Variants in TTC12 observed in about 807,000 individuals in gnomAD.
TTC12 encodes tetratricopeptide repeat domain 12.
In TTC12, 70 loss-of-function variants were observed where a neutral mutation model predicts 90.1. That is an observed-to-expected ratio of 0.78 (90% CI 0.64 to 0.95). TTC12 has a LOEUF of 0.95. Among genes scored for constraint, TTC12 ranks in the 40% least tolerant of loss-of-function variants. The pLI, the probability that TTC12 is intolerant of heterozygous loss-of-function variation, is 0.00. For missense variants in TTC12, 819 were observed against 846.1 expected, an observed-to-expected ratio of 0.97 and a Z score of 0.40; for synonymous variants, 296 against 311.5, an observed-to-expected ratio of 0.95 and a Z score of 0.53.
Position 113,359,407 on chromosome 11 carries a change from C to T in TTC12, c.1491C>T (p.Tyr497=). The change falls in exon 17 of 22, where the codon TAC becomes TAT. Residue 497 remains tyrosine (Y), a synonymous_variant. Coordinates refer to ENST00000529221, the MANE Select transcript of TTC12 (RefSeq NM_017868.4). ...EDVDLFREVI[Y]TLLGLMMNLC... ...TGGACCTGTTCAGAGAGGTTATCTA[C>T]ACACTCCTGGGACTCATGATGAACC... The T allele has an allele frequency of 1.2e-6, 2 of 1,613,498 alleles. No individual in the cohort carries two copies. Among genetic ancestry groups the T allele is most frequent in the East Asian group, 4.5e-5 (2 of 44,846 alleles).
downstream of TTC12, chr11:113,366,529 C>A (rs1299415414): frequency 1.5e-6 from 1 of 661,428 alleles, no homozygotes; most frequent in Non-Finnish European, 2.4e-6. Flanking sequence ...TTTGAATGTT[C>A]TTTCCTGTTC....
At chr11:113,351,191 T>G (rs1300833005) in intron 14 of TTC12, 48 bp from the exon 15 acceptor site, 2 of 1,540,462 alleles carry the variant, frequency 1.3e-6, no homozygotes, top group Non-Finnish European at 9.0e-7. Flanking sequence ...ATTTATGTTA[T>G]AGTTTATGCA....
chr11:113,359,061 G>A (rs1294281937), intron 16 of TTC12, among the ~76,000 whole-genome samples: 1 of 151,698 alleles, frequency 6.6e-6, no homozygotes, highest in African/African-American at 2.4e-5. Context: ...GCCTGATCCT[G>A]ATTTGAAGGA....
intron 2 of TTC12, among the ~76,000 whole-genome samples, chr11:113,317,623 A>G (rs1555136286): frequency 6.6e-6 from 1 of 152,060 alleles, no homozygotes; most frequent in African/African-American, 2.4e-5. Context: ...TTCCTTTTGC[A>G]GTCATAATAA....
intron 2 of TTC12, among the ~76,000 whole-genome samples, chr11:113,322,163 T>G (rs1947376688): frequency 6.6e-6 from 1 of 152,206 alleles, no homozygotes; most frequent in Admixed American, 6.5e-5. Context: ...TATAATTTCC[T>G]TGAAGACTCA....
chr11:113,358,431 CTA>C (rs1949739083), intron 16 of TTC12, among the ~76,000 whole-genome samples: 1 of 152,146 alleles, frequency 6.6e-6, no homozygotes, highest in Admixed American at 6.5e-5. Context: ...AGTGCAGAAG[CTA>C]TGGTGTGGGC....
intron 14 of TTC12, 131 bp downstream of exon 14, chr11:113,350,296 A>G (rs1949193327): frequency 2.9e-6 from 2 of 686,530 alleles, no homozygotes; most frequent in Non-Finnish European, 4.9e-6. Context: ...TTCACTGAGT[A>G]GGAGGGCTGA....
chr11:113,346,117 A>G (rs1251291899), intron 13 of TTC12, among the ~76,000 whole-genome samples: 2 of 152,022 alleles, frequency 1.3e-5, no homozygotes, highest in Admixed American at 6.6e-5. Context: ...TTCCTCCCAC[A>G]ATGTTTATCC....
In TTC12 at chr11:113,358,503, G is replaced by A. The variant is rs1591192559; in HGVS notation, c.1447-860G>A. On this transcript the variant is annotated intron_variant, in intron 16 of 21. Coordinates refer to ENST00000529221, the MANE Select transcript of TTC12 (RefSeq NM_017868.4). ...GTGGCCTGGCTGGGGCCCCAGGAGA[G>A]GCCAGCAGAGCAAGGGGTCCTCAAG... is the stretch of plus-strand genomic sequence containing the variant. Among the ~76,000 whole-genome samples the A allele has an allele frequency of 2.6e-5, 4 of 152,298 alleles. No individual in the cohort carries two copies. In the South Asian group the frequency reaches 8.3e-4, roughly 32 times the overall value.
intron 16 of TTC12, among the ~76,000 whole-genome samples, chr11:113,352,686 A>C (rs1555150841): frequency 1.3e-5 from 2 of 152,070 alleles, no homozygotes; most frequent in African/African-American, 2.4e-5. Context: ...TCCCACTTAC[A>C]AGGAAGAACA....
chr11:113,324,568 T>C, intron 4 of TTC12, 37 bp from the exon 5 acceptor site: 1 of 1,580,012 alleles, frequency 6.3e-7, no homozygotes, highest in Non-Finnish European at 8.7e-7. Flanking sequence ...AGTATTTGGA[T>C]TTTTCTTTTT....
At chr11:113,335,120 C>CTCT in intron 8 of TTC12, 83 bp downstream of exon 8, 10 of 1,000,276 alleles carry the variant, frequency 1.0e-5, no homozygotes, top group African/African-American at 1.6e-5. Flanking sequence ...CATGATTCTC[C>CTCT]AAGCTGATTA....
intron 7 of TTC12, among the ~76,000 whole-genome samples, chr11:113,332,130 A>C (rs782024435): frequency 2.6e-5 from 4 of 152,248 alleles, no homozygotes; most frequent in Non-Finnish European, 5.9e-5. Context: ...AAGATAAGGC[A>C]GCAAAGCTGG....
Position 113,336,867 on chromosome 11 carries a change from G to A in TTC12, c.576+1830G>A, listed in dbSNP as rs148409720. ...TTTCTATATGAACTTCAAGATTATCGTGTCGATTTTTGCAAAGAAACCAGG... is the reference window on the plus strand; with the variant it reads ...TTTCTATATGAACTTCAAGATTATCATGTCGATTTTTGCAAAGAAACCAGG... On this transcript the variant is annotated intron_variant, in intron 8 of 21. Transcript: ENST00000529221. 1.8e-4 allele frequency among the ~76,000 whole-genome samples: 27 copies of A among 152,158 alleles called. No individual in the cohort carries two copies. The East Asian group carries it at 3.5e-3, about 20-fold the overall frequency.
At chr11:113,352,438 A>ATTAT (rs549245546) in intron 16 of TTC12, among the ~76,000 whole-genome samples, 60 of 151,836 alleles carry the variant, frequency 4.0e-4, no homozygotes, top group South Asian at 3.1e-3. Flanking sequence ...ATTTTTAAAA[A>ATTAT]TTATTTATTT....
chr11:113,342,966 C>T (rs1444586957), intron 12 of TTC12, among the ~76,000 whole-genome samples: 2 of 152,158 alleles, frequency 1.3e-5, no homozygotes, highest in Non-Finnish European at 2.9e-5. Flanking sequence ...ACCTATTTAT[C>T]GTTTCTGTGA....
At chr11:113,336,145 T>C (rs1943622) in intron 8 of TTC12, among the ~76,000 whole-genome samples, 29,961 of 152,124 alleles carry the variant, frequency 0.2, 3,363 homozygotes, top group East Asian at 0.48. Flanking sequence ...ATTGTGGTAT[T>C]TGATCTGCAT....
intron 13 of TTC12, among the ~76,000 whole-genome samples, chr11:113,346,186 A>G (rs1028635778): frequency 2.0e-5 from 3 of 152,102 alleles, no homozygotes; most frequent in Non-Finnish European, 2.9e-5. Flanking sequence ...TCATTTTGTA[A>G]AAAGTGCTGG....
At chr11:113,338,436 T>C (rs1948496456) in intron 8 of TTC12, among the ~76,000 whole-genome samples, 1 of 152,230 alleles carries the variant, frequency 6.6e-6, no homozygotes, top group African/African-American at 2.4e-5. Context: ...GCCTCCTTTC[T>C]CAGTGCAAAT....
Sources: allele counts gnomAD v4.1 joint callset (sites outside exome capture counted in the v4.1 genomes callset), GRCh38; gene constraint gnomAD v4.1.1; transcripts MANE v1.5; gene names NCBI Gene and HGNC (gene_info 2026-07-23, HGNC 2026-07-21).